ANGPTL4: variants seen among roughly 807,000 people sequenced by gnomAD.
ANGPTL4 encodes angiopoietin-related protein 4.
Under a neutral mutation model 39.2 loss-of-function variants are expected in ANGPTL4, and 39 were observed. The observed-to-expected ratio is 1.00, with a 90% CI of 0.77 to 1.30. The LOEUF (loss-of-function observed/expected upper bound fraction) is 1.30, where lower values mean the gene tolerates loss of function less well. ANGPTL4 is among the 50% of genes most tolerant of loss of function. The pLI is 0.00. For missense variants in ANGPTL4, 545 were observed against 549.8 expected (o/e 0.99, Z 0.09); for synonymous variants, 233 against 229.5 (o/e 1.02, Z -0.14).
intron 6 of ANGPTL4, among the ~76,000 whole-genome samples, chr19:8,372,117 C>T (rs1420711788): frequency 2.0e-5 from 3 of 151,662 alleles, no homozygotes; most frequent in Non-Finnish European, 2.9e-5. Context: ...GTGCAAGTGA[C>T]GTGATCTTGG....
chr19:8,367,687 C>G lies in ANGPTL4; in HGVS notation c.547+1368C>G, dbSNP rs1256215983. Among the ~76,000 whole-genome samples, 3 of 152,186 alleles carry G rather than the reference C, an allele frequency of 2.0e-5. 1 individual carries two copies. The South Asian group carries it at 6.2e-4, about 31-fold the overall frequency. On this transcript the variant is annotated intron_variant, in intron 3 of 6. Transcript: ENST00000301455. The stretch of plus-strand genomic sequence containing the variant: ...CAACGCCATCCTCCCCTCCTCCCTC[C>G]CTCTTTCTTTCCTCAACCCTGCCTC...
At position 8,371,562 on chromosome 19, in the gene ANGPTL4, C is replaced by A. The variant is rs982859311; in HGVS notation, c.1039+40C>A. ...CCATGCCACACCCAGCCAGCAGCTT[C>A]CCTCCTTATCTTTCTGCTGCTCTGT... On this transcript the variant is annotated intron_variant, in intron 6 of 6. Transcript: ENST00000301455. The surrounding 1 kb of genome is among the most constrained non-coding windows in gnomAD (Gnocchi z 5.1). The A allele has an allele frequency of 2.5e-5, 40 of 1,611,182 alleles. No homozygotes were observed. The highest frequency in any genetic ancestry group is 3.2e-5 in the Non-Finnish European group (38 of 1,179,824).
rs574149049 is a variant in ANGPTL4 at position 8,368,298 on chromosome 19, C to T, written c.548-921C>T. On this transcript the variant is annotated intron_variant, in intron 3 of 6. Coordinates refer to ENST00000301455, the MANE Select transcript of ANGPTL4 (RefSeq NM_139314.3). ...GCTGGATTACAGGCATGAACCACTG[C>T]GCCCGGCCCATTCCTCAAGTCTTTA... is the stretch of plus-strand genomic sequence containing the variant. Among the ~76,000 whole-genome samples, 43 of 152,226 alleles carry T rather than the reference C, an allele frequency of 2.8e-4. No homozygotes were observed. In the South Asian group the frequency reaches 7.9e-3, roughly 28 times the overall value.
chr19:8,364,885 A>AAT (rs1555687002), intron 1 of ANGPTL4, among the ~76,000 whole-genome samples: 27 of 150,564 alleles, frequency 1.8e-4, no homozygotes, highest in African/African-American at 6.4e-4. Flanking sequence ...ACACACACAC[A>AAT]AAATAAATAA....
At chr19:8,365,836 A>G in intron 1 of ANGPTL4, 118 bp from the exon 2 acceptor site, 1 of 805,850 alleles carries the variant, frequency 1.2e-6, no homozygotes, top group African/African-American at 1.7e-5. Context: ...AAAAGAAAAA[A>G]GAAAGACTCC....
rs1971182241 is a variant in ANGPTL4, at chr19:8,373,953, G to A, written c.*67G>A. ...ACTCTTGGCTCTGCCCGAGGATGTG[G>A]CCGTTCCCTGCCTGGGCAGGGGCTC... On this transcript the variant is annotated 3_prime_UTR_variant, in exon 7 of 7. Coordinates refer to ENST00000301455, the MANE Select transcript of ANGPTL4 (RefSeq NM_139314.3). The A allele has an allele frequency of 1.9e-6, 3 of 1,560,504 alleles. No individual in the cohort carries two copies. The highest frequency in any genetic ancestry group is 2.6e-6 in the Non-Finnish European group (3 of 1,139,102).
At chr19:8,364,937 C>T (rs1420876018) in intron 1 of ANGPTL4, among the ~76,000 whole-genome samples, 3 of 152,016 alleles carry the variant, frequency 2.0e-5, no homozygotes, top group Admixed American at 2.0e-4. Flanking sequence ...CGACCGGGCG[C>T]AGTGGCTCAC....
Position 8,374,065 on chromosome 19 carries a change from C to T in ANGPTL4, c.*179C>T, listed in dbSNP as rs771891857. 34 of 658,456 alleles carry T rather than the reference C, an allele frequency of 5.2e-5. No homozygotes were observed. Among genetic ancestry groups the T allele is most frequent in the East Asian group, 1.9e-4 (7 of 36,426 alleles). The allele number at this position is 658,456 out of a possible 1,614,324, so 40.8% of individuals were successfully genotyped here. A position where few individuals can be genotyped will look rare whatever the true frequency, so the allele number is the denominator to read the frequency against. ...TTTCTGAGTGCAGGGGGGCTGCATG[C>T]GTTGCCTCCTGAGATCGAGGCTGCA... On this transcript the variant is annotated 3_prime_UTR_variant, in exon 7 of 7. Transcript: ENST00000301455.
intron 3 of ANGPTL4, among the ~76,000 whole-genome samples, chr19:8,368,484 T>G (rs1971050516): frequency 6.6e-6 from 1 of 152,070 alleles, no homozygotes; most frequent in Admixed American, 6.6e-5. Flanking sequence ...TCAATTCCCA[T>G]TTGGGGTGTT....
chr19:8,370,833 C>T (rs933959348), intron 4 of ANGPTL4, among the ~76,000 whole-genome samples: 6 of 152,116 alleles, frequency 3.9e-5, no homozygotes, highest in African/African-American at 1.2e-4. Context: ...CTGCCTACTC[C>T]CTCCCACACT....
At chr19:8,369,455 C>CTTTTTTTTTTTTTTTTTTTTTTTTTT (rs569969146) in intron 4 of ANGPTL4, 123 bp downstream of exon 4, 1 of 291,348 alleles carries the variant, frequency 3.4e-6, no homozygotes, top group African/African-American at 3.6e-5. Flanking sequence ...CCAAGCTGGT[C>CTTTTTTTTTTTTTTTTTTTTTTTTTT]TTTTTTTTTT....
chr19:8,365,868 G>A lies in ANGPTL4; in HGVS notation c.319-86G>A, dbSNP rs540797164. On this transcript the variant is annotated intron_variant, in intron 1 of 6. Coordinates refer to ENST00000301455, the MANE Select transcript of ANGPTL4 (RefSeq NM_139314.3). ...CTCCCTTGCCTGGCCTCAGCGGATG[G>A]AGATTTGGAAGGATGGATGAGTGGA... 60 of 1,025,994 alleles carry A rather than the reference G, an allele frequency of 5.8e-5. No individual in the cohort carries two copies. The South Asian group carries it at 7.4e-4, about 13-fold the overall frequency. The allele number at this position is 1,025,994 out of a possible 1,614,324, so 63.6% of individuals were successfully genotyped here. A position where few individuals can be genotyped will look rare whatever the true frequency, so the allele number is the denominator to read the frequency against.
intron 4 of ANGPTL4, 150 bp downstream of exon 4, chr19:8,369,482 G>A (rs1385524834): frequency 3.5e-6 from 2 of 577,106 alleles, no homozygotes; most frequent in African/African-American, 2.2e-5. Flanking sequence ...TTTTTGAGAT[G>A]GAGTTTTGCT....
chr19:8,370,689 G>C (rs892656514), intron 4 of ANGPTL4, among the ~76,000 whole-genome samples: 38 of 138,298 alleles, frequency 2.7e-4, no homozygotes, highest in Non-Finnish European at 5.2e-4. Flanking sequence ...AACAGAGTGA[G>C]ACTCCATCTC....
Position 8,364,429 on chromosome 19 carries a change from G to A in ANGPTL4, c.108G>A (p.Ala36=). 1 of 1,551,968 alleles carries A rather than the reference G, an allele frequency of 6.4e-7. No homozygotes were observed. Among genetic ancestry groups the A allele is most frequent in the Non-Finnish European group, 8.7e-7 (1 of 1,150,892 alleles). The part of the protein sequence containing the change: ...GPVQSKSPRF[A]SWDEMNVLAH... ...TGCAGTCCAAGTCGCCGCGCTTTGCGTCCTGGGACGAGATGAATGTCCTGG... is the reference window on the plus strand; with the variant it reads ...TGCAGTCCAAGTCGCCGCGCTTTGCATCCTGGGACGAGATGAATGTCCTGG... The change falls in exon 1 of 7, where the codon GCG becomes GCA. Residue 36 remains alanine, a synonymous_variant. Transcript: ENST00000301455.
Position 8,371,585 on chromosome 19 carries a change from T to C in ANGPTL4, c.1039+63T>C. 2 of 1,602,284 alleles carry C rather than the reference T, an allele frequency of 1.2e-6. No homozygotes were observed. The highest frequency in any genetic ancestry group is 1.7e-5 in the Admixed American group (1 of 59,462). On this transcript the variant is annotated intron_variant, in intron 6 of 6. Transcript: ENST00000301455. The surrounding 1 kb of genome is among the most constrained non-coding windows in gnomAD (Gnocchi z 5.1). ...TTCCCTCCTTATCTTTCTGCTGCTC[T>C]GTCCTGCCTTCAACCCCACATTGCA...
Position 8,373,954 on chromosome 19 carries a change from C to A in ANGPTL4, c.*68C>A. ...CTCTTGGCTCTGCCCGAGGATGTGGCCGTTCCCTGCCTGGGCAGGGGCTCC... is the reference window on the plus strand; with the variant it reads ...CTCTTGGCTCTGCCCGAGGATGTGGACGTTCCCTGCCTGGGCAGGGGCTCC... On this transcript the variant is annotated 3_prime_UTR_variant, in exon 7 of 7. Transcript: ENST00000301455. The A allele has an allele frequency of 6.4e-7, 1 of 1,557,410 alleles. No individual in the cohort carries two copies. The highest frequency in any genetic ancestry group is 8.8e-7 in the Non-Finnish European group (1 of 1,136,294).
Position 8,371,807 on chromosome 19 carries a change from G to C in ANGPTL4, c.1039+285G>C, listed in dbSNP as rs1200537085. 6.6e-6 allele frequency among the ~76,000 whole-genome samples: 1 copy of C among 152,132 alleles called. No homozygotes were observed. The highest frequency in any genetic ancestry group is 1.9e-4 in the East Asian group (1 of 5,204). On this transcript the variant is annotated intron_variant, in intron 6 of 6. Transcript: ENST00000301455. This position sits in a 1 kb window ranked among gnomAD's most constrained non-coding sequence, Gnocchi z 5.1. ...GTCTCACTTTGTCACCCAGGCTGGA[G>C]TGCTTTGTGGCACGATCTTGGCTCA...
intron 3 of ANGPTL4, among the ~76,000 whole-genome samples, chr19:8,368,024 C>CTTTTTTTTTTT (rs762259435): frequency 1.5e-5 from 2 of 129,184 alleles, no homozygotes; most frequent in South Asian, 2.5e-4. Flanking sequence ...TTTATCAAGT[C>CTTTTTTTTTTT]TTTTTTTTTT....
Sources: gnomAD v4.1 joint callset for allele counts (sites outside exome capture counted in the v4.1 genomes callset) on GRCh38, gnomAD v4.1.1 for gene constraint, Gnocchi (gnomAD v3.1) non-coding constraint, MANE v1.5 for transcripts, NCBI Gene and HGNC (gene_info 2026-07-23, HGNC 2026-07-21) for gene names.